TULP4: variants seen among roughly 807,000 people sequenced by gnomAD.
The protein encoded by TULP4 is tubby-related protein 4.
A neutral mutation model predicts 129.0 loss-of-function variants in TULP4; 16 were observed. The observed-to-expected ratio is 0.12, with a 90% CI of 0.08 to 0.19. TULP4 has a LOEUF of 0.19. TULP4 is among the 10% of genes least tolerant of loss of function. TULP4 has a pLI of 1.00. For missense variants in TULP4, 1,842 were observed against 2,059.1 expected (o/e 0.89, Z 2.04); for synonymous variants, 998 against 854.0 (o/e 1.17, Z -2.94).
At chr6:158,308,701 G>A (rs1779265799), upstream of TULP4, among the ~76,000 whole-genome samples, 1 of 146,918 alleles carries the variant, frequency 6.8e-6, no homozygotes, top group Admixed American at 6.7e-5. Flanking sequence ...CCCAGTAGGG[G>A]CGGCCGGGCA....
chr6:158,320,454 C>T (rs1185291695), intron 1 of TULP4, among the ~76,000 whole-genome samples: 2 of 134,076 alleles, frequency 1.5e-5, no homozygotes, highest in Non-Finnish European at 3.2e-5. Flanking sequence ...TTTTTTTACA[C>T]AGAGTCTCAC....
intron 3 of TULP4, among the ~76,000 whole-genome samples, chr6:158,442,815 GTT>G (rs71742442): frequency 0.012 from 1,790 of 145,532 alleles, 40 homozygotes; most frequent in African/African-American, 0.041. Context: ...TAAATGGTTG[GTT>G]TTTTTTTTTT....
intron 9 of TULP4, among the ~76,000 whole-genome samples, chr6:158,492,438 C>A (rs920433240): frequency 6.6e-6 from 1 of 152,198 alleles, no homozygotes; most frequent in Non-Finnish European, 1.5e-5. Context: ...TGATTGATGT[C>A]TTTTTTCATC....
intron 5 of TULP4, among the ~76,000 whole-genome samples, chr6:158,459,013 T>C (rs1412584111): frequency 2.0e-5 from 3 of 152,268 alleles, no homozygotes. Context: ...TATCGCTTGA[T>C]GCATGTAGCT....
intron 5 of TULP4, among the ~76,000 whole-genome samples, chr6:158,460,592 G>T (rs959362579): frequency 6.6e-6 from 1 of 152,050 alleles, no homozygotes; most frequent in Non-Finnish European, 1.5e-5. Context: ...TTTGTAGGTG[G>T]GCATCGAATT....
chr6:158,501,595 A>T, intron 12 of TULP4, 83 bp from the exon 13 acceptor site: 1 of 1,344,854 alleles, frequency 7.4e-7, no homozygotes, highest in Non-Finnish European at 1.0e-6. Context: ...AGGAGACTGG[A>T]TGAGTCCAGA....
chr6:158,288,014 G>A (rs372364572), intron 1 of TULP4, among the ~76,000 whole-genome samples: 19 of 152,156 alleles, frequency 1.2e-4, no homozygotes, highest in Non-Finnish European at 2.1e-4. Flanking sequence ...TGTGGTCTAC[G>A]GTGAAGAGCA....
At position 158,493,641 on chromosome 6, in the gene TULP4, G is replaced by A. The variant is rs746537100; in HGVS notation, c.1700G>A (p.Arg567Gln). 8 of 1,599,144 alleles carry A rather than the reference G, an allele frequency of 5.0e-6. No individual in the cohort carries two copies. The highest frequency in any genetic ancestry group is 6.8e-6 in the Non-Finnish European group (8 of 1,173,234). The change falls in exon 10 of 14, where the codon CGG becomes CAG. Residue 567 changes from arginine to glutamine, a missense_variant. Physicochemically the swap from Arg to Gln is conservative, Grantham distance 43. This residue lies in a region of TULP4 where 456 missense variants were observed against 534.3 expected (regional missense o/e 0.85). Coordinates refer to ENST00000367097, the MANE Select transcript of TULP4 (RefSeq NM_020245.5). This position sits in a 1 kb window ranked among gnomAD's most constrained non-coding sequence, Gnocchi z 4.4. The part of the protein sequence containing the change: ...RAAQELSRSP[R>Q]LPLRKPSVGS... Reference sequence around the variant, plus strand: ...GCTCAGGAGCTCTCCCGGTCCCCACGGTTGCCCCTGCGCAAGCCCTCTGTG... The same window carrying A: ...GCTCAGGAGCTCTCCCGGTCCCCACAGTTGCCCCTGCGCAAGCCCTCTGTG...
At chr6:158,438,115 G>C (rs144161366) in intron 3 of TULP4, 1 of 152,154 alleles carries the variant, frequency 6.6e-6, no homozygotes, top group Non-Finnish European at 1.5e-5. Flanking sequence ...AAATGACTCT[G>C]TAGGGATTAT....
In TULP4 at chr6:158,417,911, C is replaced by T. The variant is rs181695084; in HGVS notation, c.381+4718C>T. The stretch of plus-strand genomic sequence containing the variant: ...ATTTTACAGTATTAGTCACCAGGGG[C>T]GGCTGTACCAGGCACACACACTCTG... On this transcript the variant is annotated intron_variant, in intron 2 of 13. Transcript: ENST00000367097. Among the ~76,000 whole-genome samples, 14 of 152,138 alleles carry T rather than the reference C, an allele frequency of 9.2e-5. No individual in the cohort carries two copies. In the East Asian group the frequency reaches 1.4e-3, roughly 15 times the overall value.
At chr6:158,378,463 G>GT (rs61250704) in intron 1 of TULP4, among the ~76,000 whole-genome samples, 765 of 53,546 alleles carry the variant, frequency 0.014, 125 homozygotes, top group African/African-American at 0.073. Flanking sequence ...GGGGGAGCCA[G>GT]TTTTTTTTTT....
intron 5 of TULP4, among the ~76,000 whole-genome samples, chr6:158,460,255 T>C (rs1376712542): frequency 1.3e-5 from 2 of 152,194 alleles, no homozygotes; most frequent in Non-Finnish European, 2.9e-5. Flanking sequence ...TGACCATGCA[T>C]GAATAAGGGG....
intron 1 of TULP4, among the ~76,000 whole-genome samples, chr6:158,298,805 C>T (rs796510345): frequency 2.6e-5 from 4 of 152,138 alleles, no homozygotes; most frequent in Admixed American, 1.3e-4. Context: ...GGGAGAGGAG[C>T]GGCAGTGGCA....
At chr6:158,365,110 A>AT (rs1780900308) in intron 1 of TULP4, among the ~76,000 whole-genome samples, 1 of 151,848 alleles carries the variant, frequency 6.6e-6, no homozygotes, top group Non-Finnish European at 1.5e-5. Context: ...GTCTTCAATT[A>AT]TGGCACATTT....
intron 1 of TULP4, among the ~76,000 whole-genome samples, chr6:158,395,104 A>G (rs921903807): frequency 3.3e-5 from 5 of 152,182 alleles, no homozygotes; most frequent in Non-Finnish European, 7.3e-5. Context: ...CCCTCCTCCA[A>G]TTTGACATGA....
chr6:158,478,559 T>C (rs1397213241), intron 6 of TULP4, among the ~76,000 whole-genome samples: 59 of 152,180 alleles, frequency 3.9e-4, no homozygotes, highest in Non-Finnish European at 8.7e-4. Flanking sequence ...GTCCTGGAAG[T>C]GTCCCAGAAG....
intron 1 of TULP4, among the ~76,000 whole-genome samples, chr6:158,401,058 TG>T (rs1488404999): frequency 3.7e-4 from 54 of 147,026 alleles, no homozygotes; most frequent in South Asian, 6.3e-4. Flanking sequence ...TTTTTGTTGT[TG>T]TTGTTGTTGT....
intron 3 of TULP4, among the ~76,000 whole-genome samples, chr6:158,435,801 C>T (rs535355325): frequency 6.6e-6 from 1 of 152,190 alleles, no homozygotes; most frequent in Non-Finnish European, 1.5e-5. Flanking sequence ...TCCTCTCCCC[C>T]CTGCCTCTCC....
intron 1 of TULP4, among the ~76,000 whole-genome samples, chr6:158,323,411 CAT>C (rs1779679815): frequency 6.6e-6 from 1 of 152,294 alleles, no homozygotes; most frequent in South Asian, 2.1e-4. Flanking sequence ...GTTACATAAT[CAT>C]GTGTTCATGA....
Sources: gnomAD v4.1 joint callset for allele counts (sites outside exome capture counted in the v4.1 genomes callset) on GRCh38, gnomAD v4.1.1 for gene constraint, gnomAD v4.1.1 regional missense constraint, Gnocchi (gnomAD v3.1) non-coding constraint, MANE v1.5 for transcripts, NCBI Gene and HGNC (gene_info 2026-07-23, HGNC 2026-07-21) for gene names.